Variants in DPP10 observed in about 807,000 individuals in gnomAD.
DPP10 encodes inactive dipeptidyl peptidase 10.
A neutral mutation model predicts 120.9 loss-of-function variants in DPP10; 33 were observed. The ratio of observed to expected loss-of-function variants is 0.27; its 90% CI spans 0.21 to 0.37. The LOEUF (loss-of-function observed/expected upper bound fraction) is 0.37, where lower values mean the gene tolerates loss of function less well. Among genes scored for constraint, DPP10 ranks in the 10% least tolerant of loss-of-function variants. The probability of loss-of-function intolerance (pLI) is 1.00; values close to 1 mark genes in which losing one functional copy is unlikely to be tolerated. For synonymous variants in DPP10, 337 were observed against 326.1 expected (o/e 1.03, Z -0.36); for missense variants, 816 against 942.8 (o/e 0.87, Z 1.76).
At chr2:115,586,957 G>A (rs1426816694) in intron 5 of DPP10, among the ~76,000 whole-genome samples, 4 of 152,040 alleles carry the variant, frequency 2.6e-5, no homozygotes, top group Non-Finnish European at 5.9e-5. Context: ...AATGTGCAGT[G>A]ATTAGCACAA....
chr2:115,103,184 C>CTTTTT (rs71394123), intron 1 of DPP10, among the ~76,000 whole-genome samples: 21 of 122,140 alleles, frequency 1.7e-4, no homozygotes, highest in Non-Finnish European at 2.4e-4. Context: ...CTGATTCTCT[C>CTTTTT]TTTTTTTTTT....
chr2:114,837,182 T>G (rs1024706954), intron 1 of DPP10, among the ~76,000 whole-genome samples: 14 of 152,152 alleles, frequency 9.2e-5, no homozygotes, highest in African/African-American at 3.4e-4. Flanking sequence ...GGGGAAGTGA[T>G]AAGTGTCCAT....
chr2:115,281,161 A>T (rs1021633267), intron 1 of DPP10, among the ~76,000 whole-genome samples: 5 of 152,198 alleles, frequency 3.3e-5, no homozygotes, highest in African/African-American at 1.2e-4. Context: ...GATAAAGTGG[A>T]GTTCTTACTT....
intron 1 of DPP10, among the ~76,000 whole-genome samples, chr2:114,805,130 G>A (rs1165180164): frequency 6.6e-6 from 1 of 152,164 alleles, no homozygotes; most frequent in Non-Finnish European, 1.5e-5. Context: ...CCGCCATGAA[G>A]TAAGAAGTGC....
chr2:115,433,495 C>T (rs2071201884), intron 3 of DPP10, among the ~76,000 whole-genome samples: 1 of 151,832 alleles, frequency 6.6e-6, no homozygotes, highest in East Asian at 1.9e-4. Flanking sequence ...AAAGGCATAC[C>T]TAGACCTAAA....
intron 3 of DPP10, among the ~76,000 whole-genome samples, chr2:115,441,966 A>C (rs1574856981): frequency 6.6e-6 from 1 of 151,538 alleles, no homozygotes; most frequent in South Asian, 2.1e-4. Flanking sequence ...CGGGCGCACC[A>C]CCATGCCCAG....
At chr2:115,562,190 C>T (rs937861366) in intron 5 of DPP10, among the ~76,000 whole-genome samples, 16 of 152,186 alleles carry the variant, frequency 1.1e-4, no homozygotes, top group African/African-American at 3.6e-4. Context: ...AATCCTTCCC[C>T]CTTTTCATTG....
intron 1 of DPP10, 141 bp from the exon 2 acceptor site, chr2:115,309,098 T>A: frequency 1.5e-6 from 1 of 647,138 alleles, no homozygotes; most frequent in South Asian, 2.0e-5. Context: ...CACTTTTGAA[T>A]AATTAAATGA....
chr2:115,741,531 A>C (rs1453923935), intron 9 of DPP10, among the ~76,000 whole-genome samples: 1 of 151,830 alleles, frequency 6.6e-6, no homozygotes, highest in East Asian at 1.9e-4. Flanking sequence ...TAATTCTCAC[A>C]TTGTTTGATT....
At chr2:115,119,417 C>A (rs2049707571) in intron 1 of DPP10, among the ~76,000 whole-genome samples, 1 of 152,210 alleles carries the variant, frequency 6.6e-6, no homozygotes. Flanking sequence ...GACAGATTAA[C>A]AACCACTTGA....
In DPP10 at chr2:114,859,366, CAA is replaced by C. The variant is rs58306246; in HGVS notation, c.60+416543_60+416544del. Reference sequence around the variant, plus strand: ...CTGGGCAACAAGAGTGAAACTCCGTCAAAAAAAAAAAAAAAAGAGAAAGAAAG... The same window carrying C: ...CTGGGCAACAAGAGTGAAACTCCGTCAAAAAAAAAAAAAAGAGAAAGAAAG... On this transcript the variant is annotated intron_variant, in intron 1 of 25. Coordinates refer to ENST00000410059, the MANE Select transcript of DPP10 (RefSeq NM_020868.6). Among the ~76,000 whole-genome samples the C allele has an allele frequency of 3.8e-3, 494 of 129,916 alleles. 2 individuals are homozygous for C. Among genetic ancestry groups the C allele is most frequent in the Admixed American group, 6.0e-3 (78 of 13,034 alleles). The allele number at this position is 129,916 out of a possible 152,430, so 85.2% of individuals were successfully genotyped here. A position where few individuals can be genotyped will look rare whatever the true frequency, so the allele number is the denominator to read the frequency against.
At chr2:115,238,307 C>G (rs535195967) in intron 1 of DPP10, among the ~76,000 whole-genome samples, 2 of 152,258 alleles carry the variant, frequency 1.3e-5, no homozygotes, top group East Asian at 3.9e-4. Context: ...TATTTTTAAG[C>G]CCACGATTGA....
rs372162852 is a variant in DPP10 at position 114,456,715 on chromosome 2, G to A, written c.60+13877G>A. 3.1e-4 allele frequency among the ~76,000 whole-genome samples: 47 copies of A among 152,258 alleles called. No homozygotes were observed. The East Asian group carries it at 5.2e-3, about 17-fold the overall frequency. On this transcript the variant is annotated intron_variant, in intron 1 of 25. Coordinates refer to ENST00000410059, the MANE Select transcript of DPP10 (RefSeq NM_020868.6). Reference sequence around the variant, plus strand: ...CTTAAGAGAGTGGTTGTGATTACACGTACAAAATATTTCAGGCATTTAAAG... The same window carrying A: ...CTTAAGAGAGTGGTTGTGATTACACATACAAAATATTTCAGGCATTTAAAG...
chr2:115,756,915 C>T (rs1679481821), intron 11 of DPP10, among the ~76,000 whole-genome samples: 1 of 152,080 alleles, frequency 6.6e-6, no homozygotes, highest in Non-Finnish European at 1.5e-5. Flanking sequence ...CTGAACTCGT[C>T]CTTTTATAAG....
chr2:115,216,925 C>T (rs560055017), intron 1 of DPP10, among the ~76,000 whole-genome samples: 1 of 151,286 alleles, frequency 6.6e-6, no homozygotes, highest in Non-Finnish European at 1.5e-5. Flanking sequence ...GTATATATGT[C>T]TATGTATATT....
At chr2:115,355,862 C>A (rs2064347791) in intron 3 of DPP10, among the ~76,000 whole-genome samples, 1 of 152,038 alleles carries the variant, frequency 6.6e-6, no homozygotes, top group African/African-American at 2.4e-5. Flanking sequence ...GATCAGATGG[C>A]TGTAGATGTG....
chr2:115,362,454 T>G (rs927203727), intron 3 of DPP10, among the ~76,000 whole-genome samples: 1 of 152,188 alleles, frequency 6.6e-6, no homozygotes, highest in African/African-American at 2.4e-5. Context: ...CTATACTTTT[T>G]TTTAACTTAT....
intron 1 of DPP10, among the ~76,000 whole-genome samples, chr2:114,633,889 A>G (rs79390997): frequency 0.11 from 16,999 of 151,810 alleles, 1,470 homozygotes; most frequent in African/African-American, 0.22. Context: ...TGCTAGGATT[A>G]CAGTCATGAG....
chr2:115,301,580 C>T (rs1448869034), intron 1 of DPP10, among the ~76,000 whole-genome samples: 1 of 151,192 alleles, frequency 6.6e-6, no homozygotes, highest in Non-Finnish European at 1.5e-5. Context: ...CTTGATGGGG[C>T]ATTCACTTGG....
Sources: allele counts gnomAD v4.1 joint callset (sites outside exome capture counted in the v4.1 genomes callset), GRCh38; gene constraint gnomAD v4.1.1; transcripts MANE v1.5; gene names NCBI Gene and HGNC (gene_info 2026-07-23, HGNC 2026-07-21).